COL24A1: variants seen among roughly 807,000 people sequenced by gnomAD.
COL24A1 encodes collagen type XXIV alpha 1 chain, also known as collagen alpha-1(XXIV) chain.
Under a neutral mutation model 253.9 loss-of-function variants are expected in COL24A1, and 224 were observed. The observed-to-expected ratio is 0.88, with a 90% confidence interval of 0.79 to 0.99. COL24A1 has a LOEUF of 0.99. Among genes scored for constraint, COL24A1 ranks in the 50% least tolerant of loss-of-function variants. The probability of loss-of-function intolerance (pLI) is 0.00; values close to 1 mark genes in which losing one functional copy is unlikely to be tolerated. For missense variants in COL24A1, 2,131 were observed against 2,068.5 expected (o/e 1.03, Z -0.59); for synonymous variants, 685 against 673.7 (o/e 1.02, Z -0.26).
At chr1:85,823,367 T>G (rs1025224626) in intron 45 of COL24A1, among the ~76,000 whole-genome samples, 169 bp downstream of exon 45, 2 of 152,192 alleles carry the variant, frequency 1.3e-5, no homozygotes, top group Non-Finnish European at 2.9e-5. Context: ...ATCAATAATT[T>G]TGTATTAGCA....
chr1:85,824,964 G>A (rs988263152), intron 43 of COL24A1, among the ~76,000 whole-genome samples: 7 of 150,458 alleles, frequency 4.7e-5, no homozygotes, highest in African/African-American at 7.3e-5. Flanking sequence ...GGGTACATGT[G>A]CACAATGTGC....
In COL24A1 at chr1:85,924,320, T is replaced by C. The variant is rs1174481130; in HGVS notation, c.2563-12887A>G. On this transcript the variant is annotated intron_variant, in intron 24 of 59. Transcript: ENST00000370571. ...AGGGACTCCTCCTTAACTTATTTTATGAGGCCAGCATCATCCTGATACGAA... is the reference window on the plus strand; with the variant it reads ...AGGGACTCCTCCTTAACTTATTTTACGAGGCCAGCATCATCCTGATACGAA... 2.0e-5 allele frequency among the ~76,000 whole-genome samples: 3 copies of C among 152,228 alleles called. No homozygotes were observed. In the East Asian group the frequency reaches 5.8e-4, roughly 29 times the overall value.
At chr1:86,058,811 G>T (rs1700849741) in intron 9 of COL24A1, among the ~76,000 whole-genome samples, 1 of 151,910 alleles carries the variant, frequency 6.6e-6, no homozygotes. Flanking sequence ...ACTTCATTTT[G>T]TTCAGTGACA....
At chr1:85,954,623 G>A (rs1458157680) in intron 24 of COL24A1, among the ~76,000 whole-genome samples, 1 of 151,992 alleles carries the variant, frequency 6.6e-6, no homozygotes, top group Non-Finnish European at 1.5e-5. Context: ...TCAATAAATG[G>A]TAGCTATTTT....
intron 35 of COL24A1, among the ~76,000 whole-genome samples, chr1:85,869,410 T>A (rs1680159862): frequency 6.6e-6 from 1 of 151,834 alleles, no homozygotes; most frequent in Non-Finnish European, 1.5e-5. Flanking sequence ...TTCACCAAAG[T>A]TGAAAAGAAG....
chr1:86,022,957 T>C lies in COL24A1; in HGVS notation c.2100A>G (p.Pro700=), dbSNP rs1252243828. 1 of 1,613,306 alleles carries C rather than the reference T, an allele frequency of 6.2e-7. No individual in the cohort carries two copies. Among genetic ancestry groups the C allele is most frequent in the Middle Eastern group, 1.7e-4 (1 of 6,056 alleles). Residue 700 remains proline (P), a synonymous_variant, in exon 15 of 60, where the codon CCA becomes CCG. Coordinates refer to ENST00000370571, the MANE Select transcript of COL24A1 (RefSeq NM_152890.7). The part of the protein sequence containing the change: ...GPIGPAGIPG[P]MGLSGNKGLP... ...CATTATACAAATAGAACCATACCAT[T>C]GGGCCAGGAATTCCAGCAGGTCCAA...
intron 19 of COL24A1, among the ~76,000 whole-genome samples, chr1:86,006,712 G>A (rs1031551919): frequency 4.6e-5 from 7 of 151,764 alleles, no homozygotes; most frequent in South Asian, 4.2e-4. Flanking sequence ...AACCACAGAC[G>A]GGAAGAAAAT....
intron 4 of COL24A1, 125 bp from the exon 5 acceptor site, chr1:86,112,745 G>T: frequency 1.2e-6 from 1 of 801,562 alleles, no homozygotes; most frequent in Non-Finnish European, 1.9e-6. Context: ...ATGTTATTAT[G>T]TATGCCTTAA....
chr1:86,039,409 C>T (rs1403050543), intron 12 of COL24A1, among the ~76,000 whole-genome samples: 1 of 152,026 alleles, frequency 6.6e-6, no homozygotes, highest in Non-Finnish European at 1.5e-5. Context: ...CCTAGCTCCA[C>T]AAATAATATG....
At chr1:86,150,656 T>C (rs11161756) in intron 1 of COL24A1, among the ~76,000 whole-genome samples, 12,558 of 152,202 alleles carry the variant, frequency 0.083, 610 homozygotes, top group East Asian at 0.22. Flanking sequence ...CATAGTCAGT[T>C]TGATAAAGAG....
At chr1:86,114,201 A>G (rs1268919239) in intron 4 of COL24A1, among the ~76,000 whole-genome samples, 4 of 152,204 alleles carry the variant, frequency 2.6e-5, no homozygotes, top group Admixed American at 6.5e-5. Context: ...TTAGGAACAC[A>G]AGTAAAATAA....
intron 20 of COL24A1, among the ~76,000 whole-genome samples, chr1:85,973,259 T>TAAC (rs1030322475): frequency 2.0e-5 from 3 of 152,154 alleles, no homozygotes; most frequent in African/African-American, 7.2e-5. Context: ...AAGGCTCAAT[T>TAAC]AACAGCACAA....
intron 24 of COL24A1, among the ~76,000 whole-genome samples, chr1:85,945,000 GTGTTTTTTTTTTTTTT>G (rs1486022424): frequency 8.3e-5 from 3 of 36,124 alleles, no homozygotes; most frequent in Non-Finnish European, 1.0e-4. Flanking sequence ...GTCTATCATT[GTGTTTTTTTTTTTTTT>G]TTTTTTTTTT....
chr1:85,983,819 A>G (rs1693469266), intron 20 of COL24A1, among the ~76,000 whole-genome samples: 2 of 151,858 alleles, frequency 1.3e-5, no homozygotes, highest in African/African-American at 4.8e-5. Flanking sequence ...GATAGACAAA[A>G]CCAGATCCTT....
chr1:86,136,788 A>C (rs1256809936), intron 2 of COL24A1, among the ~76,000 whole-genome samples: 2 of 152,082 alleles, frequency 1.3e-5, no homozygotes, highest in Non-Finnish European at 2.9e-5. Flanking sequence ...CCCCACAGAA[A>C]TCTCAGTGGG....
intron 9 of COL24A1, 119 bp from the exon 10 acceptor site, chr1:86,058,094 C>CTGTA (rs1700791890): frequency 3.0e-6 from 2 of 655,922 alleles, no homozygotes; most frequent in Non-Finnish European, 4.9e-6. Context: ...ATTCAGAACT[C>CTGTA]TGTATAACTA....
intron 24 of COL24A1, among the ~76,000 whole-genome samples, chr1:85,912,827 C>A (rs1685503933): frequency 6.6e-6 from 1 of 152,068 alleles, no homozygotes; most frequent in African/African-American, 2.4e-5. Flanking sequence ...GTAAAAGACA[C>A]CAGATTTTGA....
chr1:85,866,250 C>T (rs1679785631), intron 37 of COL24A1, among the ~76,000 whole-genome samples: 1 of 151,952 alleles, frequency 6.6e-6, no homozygotes, highest in South Asian at 2.1e-4. Flanking sequence ...GAGTGAGACT[C>T]TGCCTAAAAG....
intron 52 of COL24A1, 103 bp downstream of exon 52, chr1:85,781,110 ATTTTTTC>A: frequency 2.6e-6 from 2 of 760,946 alleles, no homozygotes; most frequent in Non-Finnish European, 4.1e-6. Flanking sequence ...ATGTATATCT[ATTTTTTC>A]CATTTTCTTC....
Sources: allele counts gnomAD v4.1 joint callset (sites outside exome capture counted in the v4.1 genomes callset), GRCh38; gene constraint gnomAD v4.1.1; transcripts MANE v1.5; gene names NCBI Gene and HGNC (gene_info 2026-07-23, HGNC 2026-07-21).